The following ZNF165 variants were observed in gnomAD, a reference collection of about 807,000 sequenced individuals.
ZNF165 encodes the protein cancer/testis antigen 53.
A neutral mutation model predicts 19.6 loss-of-function variants in ZNF165; 14 were observed. That is an observed-to-expected ratio of 0.71 (90% CI 0.47 to 1.12). The LOEUF is 1.12. ZNF165 is among the 50% of genes most tolerant of loss of function. The pLI, the probability that ZNF165 is intolerant of heterozygous loss-of-function variation, is 0.00. For synonymous variants in ZNF165, 165 were observed against 195.0 expected (o/e 0.85, Z 1.28); for missense variants, 504 against 566.3 (o/e 0.89, Z 1.12).
At position 28,086,328 on chromosome 6, in the gene ZNF165, A is replaced by T. The variant is rs758195240; in HGVS notation, c.550+18A>T. 6.2e-7 allele frequency: 1 copy of T among 1,606,670 alleles called. No homozygotes were observed. Among genetic ancestry groups the T allele is most frequent in the Non-Finnish European group, 8.5e-7 (1 of 1,177,358 alleles). Reference sequence around the variant, plus strand: ...GGACTGTGGTGAGGGGCAGAATGCCATATAGTGCACATCACTAAAGAAACA... The same window carrying T: ...GGACTGTGGTGAGGGGCAGAATGCCTTATAGTGCACATCACTAAAGAAACA... On this transcript the variant is annotated intron_variant, in intron 3 of 3. Transcript: ENST00000683778.
At position 28,089,332 on chromosome 6, in the gene ZNF165, C is replaced by T. The variant is rs1302147427; in HGVS notation, c.1320C>T (p.Ser440=). Reference sequence around the variant, plus strand: ...AATGTGGGAAAACCTTCCGAGTGAGCTCACATCTTATTCGACACTTTAGAA... The same window carrying T: ...AATGTGGGAAAACCTTCCGAGTGAGTTCACATCTTATTCGACACTTTAGAA... ...CSECGKTFRV[S]SHLIRHFRIH... The change falls in exon 4 of 4, where the codon AGC becomes AGT. Residue 440 remains serine (S), a synonymous_variant. Transcript: ENST00000683778. 1.2e-6 allele frequency: 2 copies of T among 1,614,058 alleles called. No individual in the cohort carries two copies. The highest frequency in any genetic ancestry group is 3.3e-5 in the Admixed American group (2 of 60,004).
Position 28,086,211 on chromosome 6 carries a change from A to G in ZNF165, c.451A>G (p.Lys151Glu), listed in dbSNP as rs1300424079. Residue 151 changes from lysine to glutamate, a missense_variant, in exon 3 of 4, where the codon AAA (lysine) becomes GAA (glutamate). By Grantham distance (56) the Lys-to-Glu change is moderately conservative (BLOSUM62 1). Transcript: ENST00000683778. ...HEHGQEIFQK[K>E]VSPPGPALNV... is the part of the protein sequence containing the mutation. ...ACATGGACAAGAAATATTCCAGAAA[A>G]AAGTGTCACCTCCTGGACCAGCACT... 6.2e-7 allele frequency: 1 copy of G among 1,614,060 alleles called. No homozygotes were observed. The highest frequency in any genetic ancestry group is 8.5e-7 in the Non-Finnish European group (1 of 1,180,036).
At chr6:28,087,718 G>A (rs375813778) in intron 3 of ZNF165, among the ~76,000 whole-genome samples, 16 of 152,226 alleles carry the variant, frequency 1.1e-4, no homozygotes, top group East Asian at 5.8e-4. Context: ...AAAGAAGGGC[G>A]GTTCAATTCC....
rs770786282 is a variant in ZNF165, at chr6:28,088,984, A to C, written c.972A>C (p.Lys324Asn). 1.2e-6 allele frequency: 2 copies of C among 1,614,184 alleles called. No individual in the cohort carries two copies. The highest frequency in any genetic ancestry group is 2.2e-5 in the South Asian group (2 of 91,088). Residue 324 changes from lysine to asparagine, a missense_variant, in exon 4 of 4, where the codon AAA becomes AAC. Coordinates refer to ENST00000683778, the MANE Select transcript of ZNF165 (RefSeq NM_001376491.1). The part of the protein sequence containing the change: ...YAGEKNHQYG[K>N]SFKSPKLAKH... ...GAGAAAAAAATCACCAATATGGAAAATCTTTCAAGAGCCCAAAACTTGCTA... is the reference window on the plus strand; with the variant it reads ...GAGAAAAAAATCACCAATATGGAAACTCTTTCAAGAGCCCAAAACTTGCTA...
In ZNF165 at chr6:28,085,885, A is replaced by G; in HGVS notation, c.405A>G (p.Val135=). The change falls in exon 2 of 4, where the codon GTA becomes GTG. Residue 135 remains valine (V), a synonymous_variant. Transcript: ENST00000683778. The part of the protein sequence containing the change: ...EDLERGTDEA[V]LQVQAHEHGQ... ...TGGAGAGAGGCACTGATGAAGCAGT[A>G]CTCCAGGTGCACAGGGGATGGGAGA... The G allele has an allele frequency of 1.2e-6, 2 of 1,609,556 alleles. No individual in the cohort carries two copies. The highest frequency in any genetic ancestry group is 1.7e-6 in the Non-Finnish European group (2 of 1,179,938).
Position 28,080,857 on chromosome 6 carries a change from G to C in ZNF165, c.-114G>C, listed in dbSNP as rs1343285944. The stretch of plus-strand genomic sequence containing the variant: ...AGGATTCTTGGAATTGTAGTCCAAA[G>C]GCATCCCGCCTTCTGCGCAGACTCA... On this transcript the variant is annotated 5_prime_UTR_variant, in exon 1 of 4. Transcript: ENST00000683778. The C allele has an allele frequency of 5.3e-5, 8 of 152,222 alleles. No individual in the cohort carries two copies. Among genetic ancestry groups the C allele is most frequent in the African/African-American group, 1.7e-4 (7 of 41,448 alleles). 9.4% of individuals were successfully genotyped at this position (152,222 alleles called of 1,614,324 possible).
chr6:28,085,769 T>C lies in ZNF165; in HGVS notation c.289T>C (p.Phe97Leu). 12 of 1,613,762 alleles carry C rather than the reference T, an allele frequency of 7.4e-6. No homozygotes were observed. Among genetic ancestry groups the C allele is most frequent in the Non-Finnish European group, 1.0e-5 (12 of 1,180,030 alleles). ...TCTGGAACTGCTGGTGCTAGAGCAG[T>C]TCCTGACCATCCTGCCAGGAGATTT... ...QILELLVLEQ[F>L]LTILPGDLQA... Residue 97 changes from phenylalanine to leucine, a missense_variant, in exon 2 of 4, where the codon TTC becomes CTC. Phe to Leu is a conservative substitution (Grantham distance 22, BLOSUM62 0). Coordinates refer to ENST00000683778, the MANE Select transcript of ZNF165 (RefSeq NM_001376491.1).
In ZNF165 at chr6:28,088,869, TCA is replaced by T. The variant is rs1764358490; in HGVS notation, c.863_864del (p.His288ProfsTer5). ...AGATTAAATCTGAACTCAAATGAATTCACACACCAGAAATCTTGTAAACATGG... is the reference window on the plus strand; with the variant it reads ...AGATTAAATCTGAACTCAAATGAATTCACACCAGAAATCTTGTAAACATGG... On this transcript the variant is annotated frameshift_variant, in exon 4 of 4. Transcript: ENST00000683778. LOFTEE classifies it low-confidence loss of function (END_TRUNC). The T allele has an allele frequency of 1.2e-6, 2 of 1,614,016 alleles. No individual in the cohort carries two copies. The highest frequency in any genetic ancestry group is 1.3e-5 in the African/African-American group (1 of 74,906).
intron 3 of ZNF165, among the ~76,000 whole-genome samples, chr6:28,087,959 T>C (rs1764316871): frequency 6.6e-6 from 1 of 152,044 alleles, no homozygotes; most frequent in South Asian, 2.1e-4. Context: ...AAAGTCTAGA[T>C]AGGAAATGGT....
At chr6:28,086,400 G>T in intron 3 of ZNF165, 90 bp downstream of exon 3, 2 of 1,502,128 alleles carry the variant, frequency 1.3e-6, no homozygotes. Context: ...ACTGTAGATG[G>T]TCCTTTCCTT....
rs959615183 is a variant in ZNF165, at chr6:28,089,423, C to G, written c.1411C>G (p.Leu471Val). ...CGRAFSQSSN[L>V]SQHQRIHMRE... ...AAGAGCCTTCAGTCAGAGCTCAAAC[C>G]TTAGTCAACACCAGAGAATTCACAT... The change falls in exon 4 of 4, where the codon CTT (leucine) becomes GTT (valine). Residue 471 changes from leucine (L) to valine (V), a missense_variant. Coordinates refer to ENST00000683778, the MANE Select transcript of ZNF165 (RefSeq NM_001376491.1). The G allele has an allele frequency of 5.0e-6, 8 of 1,612,658 alleles. No individual in the cohort carries two copies. The highest frequency in any genetic ancestry group is 6.8e-6 in the Non-Finnish European group (8 of 1,179,228).
chr6:28,085,824 A>C lies in ZNF165; in HGVS notation c.344A>C (p.Glu115Ala), dbSNP rs759930720. ...GCCTGGGTACATGAACATTACCCAG[A>C]GAGTGGAGAGGAGGCAGTGACCATA... ...LQAWVHEHYP[E>A]SGEEAVTILE... The change falls in exon 2 of 4, where the codon GAG (glutamate) becomes GCG (alanine). Residue 115 changes from glutamate to alanine, a missense_variant. By Grantham distance (107) the Glu-to-Ala change is moderately radical. Transcript: ENST00000683778. The C allele has an allele frequency of 1.9e-6, 3 of 1,613,652 alleles. No individual in the cohort carries two copies. In the Admixed American group the frequency reaches 5.0e-5, roughly 27 times the overall value.
intron 3 of ZNF165, 92 bp downstream of exon 3, chr6:28,086,402 C>A (rs1274473340): frequency 2.7e-6 from 4 of 1,495,538 alleles, no homozygotes; most frequent in Non-Finnish European, 2.7e-6. Context: ...TGTAGATGGT[C>A]CTTTCCTTTA....
Position 28,086,214 on chromosome 6 carries a change from G to A in ZNF165, c.454G>A (p.Val152Met), listed in dbSNP as rs553657777. 1.2e-6 allele frequency: 2 copies of A among 1,614,142 alleles called. No homozygotes were observed. The highest frequency in any genetic ancestry group is 4.5e-5 in the East Asian group (2 of 44,880). ...TGGACAAGAAATATTCCAGAAAAAAGTGTCACCTCCTGGACCAGCACTTAA... is the reference window on the plus strand; with the variant it reads ...TGGACAAGAAATATTCCAGAAAAAAATGTCACCTCCTGGACCAGCACTTAA... ...EHGQEIFQKKVSPPGPALNVK... is the reference protein window; with the variant it reads ...EHGQEIFQKKMSPPGPALNVK... The change falls in exon 3 of 4, where the codon GTG (valine) becomes ATG (methionine). Residue 152 changes from valine (V) to methionine (M), a missense_variant. Physicochemically the swap from Val to Met is conservative, Grantham distance 21. Coordinates refer to ENST00000683778, the MANE Select transcript of ZNF165 (RefSeq NM_001376491.1).
At chr6:28,086,502 C>T (rs1033524013) in intron 3 of ZNF165, among the ~76,000 whole-genome samples, 192 bp downstream of exon 3, 3 of 152,134 alleles carry the variant, frequency 2.0e-5, no homozygotes, top group Non-Finnish European at 4.4e-5. Context: ...AGGTGGATCA[C>T]GAGGTCAGGA....
In ZNF165 at chr6:28,088,714, G is replaced by T; in HGVS notation, c.702G>T (p.Lys234Asn). 6.2e-7 allele frequency: 1 copy of T among 1,614,144 alleles called. No homozygotes were observed. Among genetic ancestry groups the T allele is most frequent in the South Asian group, 1.1e-5 (1 of 91,084 alleles). Residue 234 changes from lysine (K) to asparagine (N), a missense_variant, in exon 4 of 4, where the codon AAG becomes AAT. Lys to Asn is a moderately conservative substitution (Grantham distance 94). Transcript: ENST00000683778. The stretch of plus-strand genomic sequence containing the variant: ...TCTGTAAGTCTGCAGGCAGGGTAAA[G>T]AGACAATGGGAAAAAGAATCAGGGG... ...QDICKSAGRV[K>N]RQWEKESGES...
At chr6:28,083,664 A>G (rs184086241) in intron 1 of ZNF165, among the ~76,000 whole-genome samples, 1 of 152,336 alleles carries the variant, frequency 6.6e-6, no homozygotes, top group East Asian at 1.9e-4. Flanking sequence ...TTGATCAGGT[A>G]TGCTCTCACC....
At chr6:28,086,379 T>TAC in intron 3 of ZNF165, 69 bp downstream of exon 3, 5 of 1,545,446 alleles carry the variant, frequency 3.2e-6, no homozygotes, top group Non-Finnish European at 4.4e-6. Flanking sequence ...CTCCACAAAC[T>TAC]AGTCTTGGTA....
In ZNF165 at chr6:28,089,325, G is replaced by A. The variant is rs367663987; in HGVS notation, c.1313G>A (p.Arg438Gln). Residue 438 changes from arginine to glutamine, a missense_variant, in exon 4 of 4, where the codon CGA (arginine) becomes CAA (glutamine). Physicochemically the swap from Arg to Gln is conservative, Grantham distance 43. Transcript: ENST00000683778. Reference sequence around the variant, plus strand: ...TGTAGTGAATGTGGGAAAACCTTCCGAGTGAGCTCACATCTTATTCGACAC... The same window carrying A: ...TGTAGTGAATGTGGGAAAACCTTCCAAGTGAGCTCACATCTTATTCGACAC... The part of the protein sequence containing the change: ...YECSECGKTF[R>Q]VSSHLIRHFR... The A allele has an allele frequency of 4.2e-5, 67 of 1,614,014 alleles. No individual in the cohort carries two copies. The Middle Eastern group carries it at 1.5e-3, about 36-fold the overall frequency.
Sources: gnomAD v4.1 joint callset for allele counts (sites outside exome capture counted in the v4.1 genomes callset) on GRCh38, gnomAD v4.1.1 for gene constraint, MANE v1.5 for transcripts, NCBI Gene and HGNC (gene_info 2026-07-23, HGNC 2026-07-21) for gene names.